The following GALNT14 variants were observed in gnomAD, a reference collection of about 807,000 sequenced individuals.
GALNT14 encodes the protein polypeptide N-acetylgalactosaminyltransferase 14, also known as UDP-GalNAc:polypeptide N-acetylgalactosaminyltransferase 14.
In GALNT14, 60 loss-of-function variants were observed where a neutral mutation model predicts 77.5. The observed-to-expected ratio is 0.77, with a 90% confidence interval of 0.63 to 0.96. The LOEUF (loss-of-function observed/expected upper bound fraction) is 0.96. Ranked by LOEUF, GALNT14 falls within the 40% of genes least tolerant of loss-of-function variation. The pLI, the probability that GALNT14 is intolerant of heterozygous loss-of-function variation, is 0.00. For missense variants in GALNT14, 710 were observed against 731.0 expected, an observed-to-expected ratio of 0.97 and a Z score of 0.33; for synonymous variants, 280 against 281.7, an observed-to-expected ratio of 0.99 and a Z score of 0.06.
chr2:31,134,461 C>T (rs1452458161), intron 1 of GALNT14, among the ~76,000 whole-genome samples: 1 of 152,198 alleles, frequency 6.6e-6, no homozygotes, highest in Non-Finnish European at 1.5e-5. Flanking sequence ...CAACTTTTTT[C>T]CCTATGATAG....
intron 1 of GALNT14, among the ~76,000 whole-genome samples, chr2:31,000,546 T>C (rs1228726606): frequency 6.6e-6 from 1 of 151,958 alleles, no homozygotes; most frequent in Admixed American, 6.6e-5. Flanking sequence ...CATGTGATTA[T>C]GGAGGTACAA....
At chr2:30,930,852 C>T (rs1453712538) in intron 10 of GALNT14, among the ~76,000 whole-genome samples, 1 of 152,250 alleles carries the variant, frequency 6.6e-6, no homozygotes, top group African/African-American at 2.4e-5. Flanking sequence ...GTTTAGCAGA[C>T]ATCTGTGCCA....
intron 1 of GALNT14, among the ~76,000 whole-genome samples, chr2:31,067,964 C>G (rs1675087880): frequency 6.6e-6 from 1 of 152,210 alleles, no homozygotes; most frequent in South Asian, 2.1e-4. Flanking sequence ...GGAACCTGCT[C>G]TTCCTTCGTG....
intron 1 of GALNT14, among the ~76,000 whole-genome samples, chr2:31,011,962 C>A (rs1671058657): frequency 6.6e-6 from 1 of 152,180 alleles, no homozygotes; most frequent in Non-Finnish European, 1.5e-5. Context: ...CATTCTTCAG[C>A]TGATGCCCAG....
intron 6 of GALNT14, among the ~76,000 whole-genome samples, chr2:30,952,197 T>C (rs1267769563): frequency 6.6e-6 from 1 of 152,172 alleles, no homozygotes; most frequent in Non-Finnish European, 1.5e-5. Flanking sequence ...AAAAAGACAC[T>C]TTCTGCAAAG....
At chr2:31,015,424 C>A (rs1671293016) in intron 1 of GALNT14, among the ~76,000 whole-genome samples, 1 of 152,024 alleles carries the variant, frequency 6.6e-6, no homozygotes, top group Admixed American at 6.6e-5. Flanking sequence ...AAGAAGGCAA[C>A]TCTGCCTTAT....
intron 1 of GALNT14, among the ~76,000 whole-genome samples, chr2:31,105,741 G>A (rs1404039015): frequency 6.6e-6 from 1 of 151,640 alleles, no homozygotes; most frequent in African/African-American, 2.4e-5. Context: ...AAAAGAAAAA[G>A]AAAAAAAGAA....
intron 3 of GALNT14, among the ~76,000 whole-genome samples, chr2:30,959,347 C>T (rs1452556342): frequency 6.6e-6 from 1 of 152,178 alleles, no homozygotes; most frequent in Non-Finnish European, 1.5e-5. Flanking sequence ...AGACCCTTGA[C>T]CCATTGCTCT....
At chr2:31,095,829 C>A (rs369378743) in intron 1 of GALNT14, among the ~76,000 whole-genome samples, 11 of 152,102 alleles carry the variant, frequency 7.2e-5, no homozygotes, top group African/African-American at 2.7e-4. Flanking sequence ...GAAATGGTAC[C>A]TATATTAGTT....
chr2:30,898,081 A>G, the GALNT14 span, among the ~76,000 whole-genome samples: 1 of 152,198 alleles, frequency 6.6e-6, no homozygotes. Flanking sequence ...GGAGATGATT[A>G]GATCATGAGG....
intron 1 of GALNT14, among the ~76,000 whole-genome samples, chr2:31,073,823 G>A (rs1055479132): frequency 6.6e-6 from 1 of 152,140 alleles, no homozygotes; most frequent in African/African-American, 2.4e-5. Context: ...GCCTCTGTGG[G>A]CAAAAGACTA....
At chr2:31,053,053 G>C (rs1382978822) in intron 1 of GALNT14, among the ~76,000 whole-genome samples, 2 of 152,120 alleles carry the variant, frequency 1.3e-5, no homozygotes, top group African/African-American at 4.8e-5. Context: ...TGCGGCAGAA[G>C]GGGTTTAACC....
intron 1 of GALNT14, among the ~76,000 whole-genome samples, chr2:31,086,513 A>G (rs1676438722): frequency 6.6e-6 from 1 of 151,980 alleles, no homozygotes; most frequent in South Asian, 2.1e-4. Flanking sequence ...AAACATAAAG[A>G]TAGAAGTCAT....
chr2:31,104,706 G>A (rs139079145), intron 1 of GALNT14, among the ~76,000 whole-genome samples: 2 of 152,258 alleles, frequency 1.3e-5, no homozygotes, highest in Admixed American at 1.3e-4. Context: ...TGTAGAGCCT[G>A]TGTCCATCTG....
At chr2:30,907,491 T>C (rs969743655), downstream of GALNT14, among the ~76,000 whole-genome samples, 21 of 151,814 alleles carry the variant, frequency 1.4e-4, no homozygotes, top group Admixed American at 7.2e-4. Context: ...ACACATACAC[T>C]CTCCCAAGAC....
In GALNT14 at chr2:31,011,756, C is replaced by CCT. The variant is rs1671044370; in HGVS notation, c.130-18751_130-18750dup. Among the ~76,000 whole-genome samples the CCT allele has an allele frequency of 2.0e-5, 3 of 152,310 alleles. No homozygotes were observed. In the East Asian group the frequency reaches 5.8e-4, roughly 29 times the overall value. ...AAAGCTGGCTCCTCAGCTCTGCCAGCCTCTGCCCACCCCATGCCGAGCACA... is the reference window on the plus strand; with the variant it reads ...AAAGCTGGCTCCTCAGCTCTGCCAGCCTCTCTGCCCACCCCATGCCGAGCACA... On this transcript the variant is annotated intron_variant, in intron 1 of 14. Coordinates refer to ENST00000349752, the MANE Select transcript of GALNT14 (RefSeq NM_024572.4).
chr2:30,954,036 C>A (rs1667205313), intron 6 of GALNT14, among the ~76,000 whole-genome samples: 1 of 152,122 alleles, frequency 6.6e-6, no homozygotes, highest in African/African-American at 2.4e-5. Context: ...GCCAAGGGAG[C>A]AATGACTGCC....
intron 1 of GALNT14, among the ~76,000 whole-genome samples, chr2:31,096,841 A>G (rs1164102860): frequency 6.6e-6 from 1 of 152,136 alleles, no homozygotes; most frequent in Non-Finnish European, 1.5e-5. Flanking sequence ...CAACCACATC[A>G]CAACTCATCT....
intron 2 of GALNT14, among the ~76,000 whole-genome samples, chr2:30,974,804 A>C (rs909171484): frequency 1.1e-4 from 16 of 152,202 alleles, no homozygotes; most frequent in African/African-American, 3.6e-4. Flanking sequence ...CAGTGAAGGC[A>C]AGGACTTATT....
Sources: gnomAD v4.1 joint callset for allele counts (sites outside exome capture counted in the v4.1 genomes callset) on GRCh38, gnomAD v4.1.1 for gene constraint, MANE v1.5 for transcripts, NCBI Gene and HGNC (gene_info 2026-07-23, HGNC 2026-07-21) for gene names.